Variants in CDNF observed in about 807,000 individuals in gnomAD.
The protein encoded by CDNF is cerebral dopamine neurotrophic factor.
A neutral mutation model predicts 14.8 loss-of-function variants in CDNF; 9 were observed. The observed-to-expected ratio is 0.61, with a 90% CI of 0.37 to 1.06. CDNF has a LOEUF of 1.06. Ranked by LOEUF, CDNF falls within the 50% of genes least tolerant of loss-of-function variation. The pLI, the probability that CDNF is intolerant of heterozygous loss-of-function variation, is 0.01. For missense variants in CDNF, 228 were observed against 228.4 expected, an observed-to-expected ratio of 1.00 and a Z score of 0.01; for synonymous variants, 86 against 87.2, an observed-to-expected ratio of 0.99 and a Z score of 0.07.
chr10:14,831,480 T>C (rs12763332), intron 1 of CDNF, among the ~76,000 whole-genome samples: 8,488 of 148,574 alleles, frequency 0.057, 320 homozygotes, highest in African/African-American at 0.093. Flanking sequence ...TATATATATA[T>C]ACACACACAT....
intron 1 of CDNF, among the ~76,000 whole-genome samples, chr10:14,836,553 A>G (rs1168528718): frequency 1.3e-5 from 2 of 152,258 alleles, no homozygotes; most frequent in African/African-American, 4.8e-5. Flanking sequence ...ATATCTTTAT[A>G]TCGAGTAATA....
chr10:14,831,719 CGT>C (rs1833845622), intron 1 of CDNF, among the ~76,000 whole-genome samples: 2 of 151,950 alleles, frequency 1.3e-5, no homozygotes, highest in South Asian at 4.2e-4. Context: ...GGACTAATGG[CGT>C]GTGCCACCAC....
intron 3 of CDNF, among the ~76,000 whole-genome samples, chr10:14,821,137 T>G (rs2131620865): frequency 6.6e-6 from 1 of 152,258 alleles, no homozygotes; most frequent in East Asian, 1.9e-4. Context: ...TTTCTTTTTT[T>G]TTTTTGAGAC....
chr10:14,831,716 T>C (rs1476112117), intron 1 of CDNF, among the ~76,000 whole-genome samples: 1 of 151,910 alleles, frequency 6.6e-6, no homozygotes, highest in Non-Finnish European at 1.5e-5. Context: ...CTGGGACTAA[T>C]GGCGTGTGCC....
intron 1 of CDNF, chr10:14,836,157 G>T (rs1833884342): frequency 6.6e-6 from 1 of 152,196 alleles, no homozygotes; most frequent in Non-Finnish European, 1.5e-5. Context: ...ACATTGAGAA[G>T]AAATTAAGTT....
At position 14,837,139 on chromosome 10, in the gene CDNF, C is replaced by A. The variant is rs1435070054; in HGVS notation, c.115+693G>T. On this transcript the variant is annotated intron_variant, in intron 1 of 3. Transcript: ENST00000465530. ...GCTACAGGAGTCCAGAAGGAAGGGGCTAGCATAGCCACTTACCTTCTTTGC... is the reference window on the plus strand; with the variant it reads ...GCTACAGGAGTCCAGAAGGAAGGGGATAGCATAGCCACTTACCTTCTTTGC... Among the ~76,000 whole-genome samples, 9 of 152,260 alleles carry A rather than the reference C, an allele frequency of 5.9e-5. No homozygotes were observed. In the East Asian group the frequency reaches 1.5e-3, roughly 26 times the overall value.
At chr10:14,832,995 G>A (rs1341781162) in intron 1 of CDNF, among the ~76,000 whole-genome samples, 1 of 151,624 alleles carries the variant, frequency 6.6e-6, no homozygotes, top group Non-Finnish European at 1.5e-5. Context: ...GAGTAGCTGG[G>A]ATTACAGGCG....
At chr10:14,837,777 C>G (rs569789976) in intron 1 of CDNF, 55 bp downstream of exon 1, 3 of 1,109,046 alleles carry the variant, frequency 2.7e-6, no homozygotes, top group Non-Finnish European at 3.9e-6. Context: ...AAGCCGACAG[C>G]TGCTGCGCCG....
chr10:14,820,252 G>T, intron 3 of CDNF, 94 bp from the exon 4 acceptor site: 1 of 1,216,150 alleles, frequency 8.2e-7, no homozygotes. Context: ...GCTTATCTTG[G>T]TGCTGACTAC....
chr10:14,829,341 T>C (rs1468434040), intron 1 of CDNF, among the ~76,000 whole-genome samples: 1 of 152,164 alleles, frequency 6.6e-6, no homozygotes, highest in Non-Finnish European at 1.5e-5. Flanking sequence ...CTGGGCATAG[T>C]GGATCACACC....
At chr10:14,837,731 C>T in intron 1 of CDNF, 101 bp downstream of exon 1, 4 of 665,984 alleles carry the variant, frequency 6.0e-6, no homozygotes, top group Middle Eastern at 3.7e-4. Context: ...ATTTCCTGGG[C>T]GGAATGTTAT....
chr10:14,832,639 C>T (rs76104584), intron 1 of CDNF, among the ~76,000 whole-genome samples: 315 of 152,264 alleles, frequency 2.1e-3, no homozygotes, highest in African/African-American at 7.4e-3. Flanking sequence ...GAAGTGGTTA[C>T]ACTCTGGACC....
chr10:14,823,516 ATTTATT>A (rs1016587959), intron 3 of CDNF, among the ~76,000 whole-genome samples: 2 of 152,084 alleles, frequency 1.3e-5, no homozygotes, highest in African/African-American at 2.4e-5. Flanking sequence ...ATTGGCTTTT[ATTTATT>A]TTTATTTTAT....
intron 1 of CDNF, among the ~76,000 whole-genome samples, chr10:14,834,817 A>G (rs1246613286): frequency 6.6e-6 from 1 of 152,200 alleles, no homozygotes; most frequent in Non-Finnish European, 1.5e-5. Flanking sequence ...AGGAAGTAAT[A>G]TGATAGCCCT....
intron 3 of CDNF, among the ~76,000 whole-genome samples, chr10:14,823,708 G>A (rs1388963997): frequency 2.0e-5 from 3 of 152,058 alleles, no homozygotes; most frequent in Admixed American, 1.3e-4. Flanking sequence ...TTGTATTTTT[G>A]TAGAGACAGG....
intron 1 of CDNF, among the ~76,000 whole-genome samples, chr10:14,835,380 G>C (rs578010229): frequency 6.6e-6 from 1 of 152,316 alleles, no homozygotes; most frequent in South Asian, 2.1e-4. Context: ...TGGGCATAGA[G>C]ACAGGAAGGA....
intron 2 of CDNF, 116 bp downstream of exon 2, chr10:14,828,028 TA>T: frequency 1.0e-6 from 1 of 975,678 alleles, no homozygotes; most frequent in Non-Finnish European, 1.6e-6. Flanking sequence ...CTGCGTGCTC[TA>T]AAATGGACAT....
intron 2 of CDNF, among the ~76,000 whole-genome samples, chr10:14,826,491 G>GAAGAAGAAGAAGAAA (rs1166154616): frequency 2.4e-4 from 37 of 152,018 alleles, no homozygotes; most frequent in African/African-American, 8.0e-4. Context: ...AAAAGAAGAA[G>GAAGAAGAAGAAGAAA]AAGAAGAAGA....
intron 1 of CDNF, among the ~76,000 whole-genome samples, chr10:14,830,930 C>G (rs527815506): frequency 6.6e-6 from 1 of 152,314 alleles, no homozygotes; most frequent in Admixed American, 6.5e-5. Context: ...TCACTTTCAA[C>G]TAAATTATCA....
Sources: allele counts gnomAD v4.1 joint callset (sites outside exome capture counted in the v4.1 genomes callset), GRCh38; gene constraint gnomAD v4.1.1; transcripts MANE v1.5; gene names NCBI Gene and HGNC (gene_info 2026-07-23, HGNC 2026-07-21).